RALGPS1: variants seen among roughly 807,000 people sequenced by gnomAD.
The protein encoded by RALGPS1 is ras-specific guanine nucleotide-releasing factor RalGPS1.
RALGPS1 carries 19 observed loss-of-function variants against 78.8 expected under a neutral mutation model. That is an observed-to-expected ratio of 0.24 (90% confidence interval 0.17 to 0.35). The LOEUF is 0.35. Ranked by LOEUF, RALGPS1 falls within the 10% of genes least tolerant of loss-of-function variation. The pLI is 1.00. For synonymous variants in RALGPS1, 228 were observed against 256.3 expected (o/e 0.89, Z 1.06); for missense variants, 454 against 688.3 (o/e 0.66, Z 3.81).
At chr9:127,213,925 T>G (rs1392660686) in intron 17 of RALGPS1, 1 of 152,218 alleles carries the variant, frequency 6.6e-6, no homozygotes, top group African/African-American at 2.4e-5. Flanking sequence ...TCTAATGTTC[T>G]TAGCTGAGAA....
intron 3 of RALGPS1, among the ~76,000 whole-genome samples, chr9:126,967,384 A>G (rs58673660): frequency 3.3e-5 from 5 of 152,094 alleles, no homozygotes; most frequent in East Asian, 1.9e-4. Flanking sequence ...TTCAGTCTTC[A>G]TGGCTCTTCC....
intron 8 of RALGPS1, among the ~76,000 whole-genome samples, chr9:127,078,170 C>T (rs903474097): frequency 2.0e-5 from 3 of 152,190 alleles, no homozygotes; most frequent in Admixed American, 6.5e-5. Context: ...ATCTCAAAGA[C>T]GCTATCCCAT....
At chr9:127,133,936 C>T (rs2057203246) in intron 8 of RALGPS1, among the ~76,000 whole-genome samples, 1 of 152,038 alleles carries the variant, frequency 6.6e-6, no homozygotes. Context: ...CTGCCTGGTC[C>T]CCTGCCCCTG....
intron 17 of RALGPS1, chr9:127,213,839 A>T (rs1193802924): frequency 6.6e-6 from 1 of 152,272 alleles, no homozygotes; most frequent in Non-Finnish European, 1.5e-5. Context: ...AGAGACCAAG[A>T]TTCTGCATTT....
chr9:127,029,884 T>C (rs1278444341), intron 4 of RALGPS1, among the ~76,000 whole-genome samples: 2 of 152,164 alleles, frequency 1.3e-5, no homozygotes, highest in Non-Finnish European at 2.9e-5. Context: ...GGAGTGAGCC[T>C]CATGGTGGGG....
chr9:127,016,598 C>T (rs2044851337), intron 4 of RALGPS1: 1 of 152,172 alleles, frequency 6.6e-6, no homozygotes, highest in Non-Finnish European at 1.5e-5. Flanking sequence ...AACCCGAGGC[C>T]TCTAACAGTT....
intron 5 of RALGPS1, among the ~76,000 whole-genome samples, chr9:127,040,887 G>A (rs1272010075): frequency 3.3e-5 from 5 of 152,066 alleles, no homozygotes; most frequent in Non-Finnish European, 5.9e-5. Context: ...TACTTTATAT[G>A]TCTTGACAGC....
chr9:127,132,133 G>A (rs1052940110), intron 8 of RALGPS1, among the ~76,000 whole-genome samples: 1 of 152,110 alleles, frequency 6.6e-6, no homozygotes, highest in Non-Finnish European at 1.5e-5. Context: ...GGAAAAATGC[G>A]GTTTGGCTTT....
At chr9:126,915,421 C>T (rs1456828289) in intron 1 of RALGPS1, 2 of 130,428 alleles carry the variant, frequency 1.5e-5, no homozygotes, top group Non-Finnish European at 3.3e-5. Context: ...GGCCCGGGGA[C>T]CTGCAGCGGT....
chr9:127,087,590 T>G (rs1185783943), intron 8 of RALGPS1: 2 of 152,472 alleles, frequency 1.3e-5, no homozygotes, highest in African/African-American at 2.4e-5. Context: ...TTGCCCCTTC[T>G]TGGCAATAGT....
At chr9:126,929,328 A>T (rs1445621890) in intron 1 of RALGPS1, among the ~76,000 whole-genome samples, 1 of 152,224 alleles carries the variant, frequency 6.6e-6, no homozygotes, top group Non-Finnish European at 1.5e-5. Context: ...CAAGGAAGGA[A>T]CTATTAAGTA....
At chr9:127,175,808 G>T (rs2059834834) in intron 11 of RALGPS1, among the ~76,000 whole-genome samples, 2 of 151,348 alleles carry the variant, frequency 1.3e-5, no homozygotes, top group Admixed American at 6.6e-5. Context: ...TGCCCTGTTT[G>T]TAAGGGGGTG....
intron 2 of RALGPS1, among the ~76,000 whole-genome samples, chr9:126,962,649 T>C (rs1445677759): frequency 3.9e-5 from 6 of 152,244 alleles, no homozygotes; most frequent in African/African-American, 1.4e-4. Flanking sequence ...GAAAAGCCGC[T>C]GCTGATTATA....
intron 8 of RALGPS1, among the ~76,000 whole-genome samples, chr9:127,117,883 A>G (rs958908061): frequency 2.6e-5 from 4 of 152,188 alleles, no homozygotes; most frequent in South Asian, 2.1e-4. Flanking sequence ...GAAGATAAGA[A>G]CAGAGTCCAT....
At chr9:127,177,843 A>G (rs910671792) in intron 11 of RALGPS1, 44 of 1,546,830 alleles carry the variant, frequency 2.8e-5, no homozygotes, top group Non-Finnish European at 3.7e-5. Context: ...CCTCAGGTAC[A>G]GCCTCCTTTC....
At chr9:126,940,193 C>T (rs1265267968) in intron 1 of RALGPS1, among the ~76,000 whole-genome samples, 1 of 152,132 alleles carries the variant, frequency 6.6e-6, no homozygotes, top group Non-Finnish European at 1.5e-5. Flanking sequence ...TGAATCTGTG[C>T]TGCCCAGCCC....
intron 8 of RALGPS1, among the ~76,000 whole-genome samples, chr9:127,086,111 C>T (rs1392362588): frequency 6.6e-6 from 1 of 152,096 alleles, no homozygotes; most frequent in South Asian, 2.1e-4. Context: ...GTAAAATGCA[C>T]ACGCGCACAC....
chr9:126,982,739 C>G (rs2041366253), intron 4 of RALGPS1, among the ~76,000 whole-genome samples: 1 of 150,182 alleles, frequency 6.7e-6, no homozygotes, highest in South Asian at 2.1e-4. Flanking sequence ...CTCAGTTCCC[C>G]TTCCTCTCCT....
At chr9:126,964,627 G>T (rs1395989659) in intron 2 of RALGPS1, among the ~76,000 whole-genome samples, 1 of 101,484 alleles carries the variant, frequency 9.9e-6, no homozygotes, top group Non-Finnish European at 2.5e-5. Context: ...GACCTCAGAG[G>T]TCTTAACCAC....
Sources: gnomAD v4.1 joint callset for allele counts (sites outside exome capture counted in the v4.1 genomes callset) on GRCh38, gnomAD v4.1.1 for gene constraint, MANE v1.5 for transcripts, NCBI Gene and HGNC (gene_info 2026-07-23, HGNC 2026-07-21) for gene names.